RARA: variants seen among roughly 807,000 people sequenced by gnomAD.
RARA encodes the protein retinoic acid receptor alpha.
RARA carries 5 observed loss-of-function variants against 42.8 expected under a neutral mutation model. That is an observed-to-expected ratio of 0.12 (90% CI 0.06 to 0.25). The LOEUF is 0.25. Among genes scored for constraint, RARA ranks in the 10% least tolerant of loss-of-function variants. The pLI is 1.00. For missense variants in RARA, 402 were observed against 628.7 expected, an observed-to-expected ratio of 0.64 and a Z score of 3.86; for synonymous variants, 256 against 259.5, an observed-to-expected ratio of 0.99 and a Z score of 0.13.
intron 2 of RARA, among the ~76,000 whole-genome samples, chr17:40,335,517 C>G (rs1452628339): frequency 6.6e-6 from 1 of 151,868 alleles, no homozygotes; most frequent in Non-Finnish European, 1.5e-5. Flanking sequence ...TGGTGAAACC[C>G]CATCTCTACT....
rs147254893 is a variant in RARA, at chr17:40,330,486, C to T, written c.-362-371C>T. On this transcript the variant is annotated intron_variant, in intron 1 of 8. Transcript: ENST00000254066. ...TTTTCCTCCCCCTCCCTCTTCCCCCCCAGCACACGTTCTCTGCATCTTGAC... is the reference window on the plus strand; with the variant it reads ...TTTTCCTCCCCCTCCCTCTTCCCCCTCAGCACACGTTCTCTGCATCTTGAC... Among the ~76,000 whole-genome samples, 30 of 152,230 alleles carry T rather than the reference C, an allele frequency of 2.0e-4. No individual in the cohort carries two copies. The South Asian group carries it at 6.2e-3, about 32-fold the overall frequency.
intron 2 of RARA, chr17:40,342,262 G>C (rs2034084349): frequency 9.5e-7 from 1 of 1,056,828 alleles, no homozygotes; most frequent in Non-Finnish European, 1.1e-6. Context: ...TCCTCGCCAC[G>C]GAGAATCCCT....
chr17:40,343,730 G>A (rs2143409882), intron 2 of RARA, among the ~76,000 whole-genome samples: 1 of 152,222 alleles, frequency 6.6e-6, no homozygotes, highest in African/African-American at 2.4e-5. Flanking sequence ...TGGGGATAGG[G>A]CCAGGTCCTG....
At chr17:40,321,957 G>A (rs2033401631) in intron 1 of RARA, among the ~76,000 whole-genome samples, 1 of 152,164 alleles carries the variant, frequency 6.6e-6, no homozygotes, top group Non-Finnish European at 1.5e-5. Context: ...ATCCCTGGCT[G>A]CAGAGCTGGG....
chr17:40,351,789 G>T lies in RARA; in HGVS notation c.470-121G>T. 1.5e-6 allele frequency: 2 copies of T among 1,325,230 alleles called. No homozygotes were observed. Among genetic ancestry groups the T allele is most frequent in the Non-Finnish European group, 2.1e-6 (2 of 973,200 alleles). 82.1% of individuals were successfully genotyped at this position (1,325,230 alleles called of 1,614,324 possible). A position where few individuals can be genotyped will look rare whatever the true frequency, so the allele number is the denominator to read the frequency against. On this transcript the variant is annotated intron_variant, in intron 4 of 8. Transcript: ENST00000254066. This position sits in a 1 kb window ranked among gnomAD's most constrained non-coding sequence, Gnocchi z 4.1. Reference sequence around the variant, plus strand: ...TTGCCTGCCCGTGAACGCGTGCTGTGTGCGCGTGCTTACAAGCCTGGGTGA... The same window carrying T: ...TTGCCTGCCCGTGAACGCGTGCTGTTTGCGCGTGCTTACAAGCCTGGGTGA...
chr17:40,329,899 C>T (rs761096809), intron 1 of RARA, among the ~76,000 whole-genome samples: 3 of 152,186 alleles, frequency 2.0e-5, no homozygotes, highest in Non-Finnish European at 4.4e-5. Flanking sequence ...CTCTTGTCCT[C>T]GTATGGATAT....
intron 2 of RARA, among the ~76,000 whole-genome samples, chr17:40,344,755 A>G (rs1038560436): frequency 6.6e-6 from 1 of 152,222 alleles, no homozygotes; most frequent in Non-Finnish European, 1.5e-5. Flanking sequence ...GTGAGGTGTC[A>G]GTGGACTCGG....
chr17:40,316,782 C>G (rs554504059), intron 1 of RARA, among the ~76,000 whole-genome samples: 1 of 141,346 alleles, frequency 7.1e-6, no homozygotes, highest in East Asian at 2.4e-4. Context: ...CGGCTGAGCG[C>G]ATGTTTGCGG....
At chr17:40,312,649 C>G (rs2033120357) in intron 1 of RARA, among the ~76,000 whole-genome samples, 1 of 152,100 alleles carries the variant, frequency 6.6e-6, no homozygotes, top group Non-Finnish European at 1.5e-5. Flanking sequence ...AGGGGCAGGA[C>G]CTTACCCAGA....
rs2033551722 is a variant in RARA, at chr17:40,326,595, G to A, written c.-362-4262G>A. 6.6e-6 allele frequency: 1 copy of A among 152,350 alleles called. No individual in the cohort carries two copies. Among genetic ancestry groups the A allele is most frequent in the Non-Finnish European group, 1.5e-5 (1 of 68,134 alleles). The allele number at this position is 152,350 out of a possible 1,614,324, so 9.4% of individuals were successfully genotyped here. On this transcript the variant is annotated intron_variant, in intron 1 of 8. Coordinates refer to ENST00000254066, the MANE Select transcript of RARA (RefSeq NM_000964.4). This position sits in a 1 kb window ranked among gnomAD's most constrained non-coding sequence, Gnocchi z 5.2. ...GGCAGGAGTGTGGGGCTGGTTGCAGGTGCTCTAGCCCCCTACCCCTTTTTC... is the reference window on the plus strand; with the variant it reads ...GGCAGGAGTGTGGGGCTGGTTGCAGATGCTCTAGCCCCCTACCCCTTTTTC...
At position 40,356,317 on chromosome 17, in the gene RARA, C is replaced by G. The variant is rs2229772; in HGVS notation, c.*91C>G. On this transcript the variant is annotated 3_prime_UTR_variant, in exon 9 of 9. Transcript: ENST00000254066. ...CATGTGACCCCGCACCAGCCCTGCC[C>G]CCACCTGCCCTCCCGGGCAGTACTG... 172 of 1,354,476 alleles carry G rather than the reference C, an allele frequency of 1.3e-4. No individual in the cohort carries two copies. The African/African-American group carries it at 2.2e-3, about 17-fold the overall frequency. 83.9% of individuals were successfully genotyped at this position (1,354,476 alleles called of 1,614,324 possible).
At chr17:40,316,714 G>A (rs144846096) in intron 1 of RARA, among the ~76,000 whole-genome samples, 26 of 152,084 alleles carry the variant, frequency 1.7e-4, no homozygotes, top group Non-Finnish European at 3.1e-4. Context: ...GAGCGCGGCT[G>A]GGGGGTAAGG....
At chr17:40,341,707 G>T (rs914410291) in intron 2 of RARA, 29 of 1,328,274 alleles carry the variant, frequency 2.2e-5, no homozygotes, top group Non-Finnish European at 2.6e-5. Context: ...CGGCCTGGGT[G>T]GGGGTGTGTG....
chr17:40,346,496 C>T (rs765225461), intron 2 of RARA, among the ~76,000 whole-genome samples: 9 of 151,260 alleles, frequency 6.0e-5, no homozygotes, highest in African/African-American at 1.2e-4. Flanking sequence ...CTCCACATAC[C>T]CCCTTGCCCT....
intron 1 of RARA, among the ~76,000 whole-genome samples, chr17:40,311,552 C>T (rs1468741478): frequency 6.6e-6 from 1 of 152,212 alleles, no homozygotes; most frequent in Non-Finnish European, 1.5e-5. Flanking sequence ...AAATGTTTCA[C>T]TTTGCCTCAT....
chr17:40,338,742 G>A (rs1169933599), intron 2 of RARA, among the ~76,000 whole-genome samples: 2 of 151,750 alleles, frequency 1.3e-5, no homozygotes, highest in East Asian at 3.9e-4. Flanking sequence ...GGGCACGGTG[G>A]CTCATGCCTG....
chr17:40,351,903 TC>T lies in RARA; in HGVS notation c.470-5del. 6.2e-7 allele frequency: 1 copy of T among 1,610,812 alleles called. No individual in the cohort carries two copies. Among genetic ancestry groups the T allele is most frequent in the Non-Finnish European group, 8.5e-7 (1 of 1,179,068 alleles). On this transcript the variant is annotated splice_polypyrimidine_tract_variant and splice_region_variant and intron_variant, in intron 4 of 8. Coordinates refer to ENST00000254066, the MANE Select transcript of RARA (RefSeq NM_000964.4). The surrounding 1 kb of genome is among the most constrained non-coding windows in gnomAD (Gnocchi z 4.1). Reference sequence around the variant, plus strand: ...GCTGCCCTCTTAACCCCCTCTGCCCTCCACAGCTGTGAGAAACGACCGAAAC... The same window carrying T: ...GCTGCCCTCTTAACCCCCTCTGCCCTCACAGCTGTGAGAAACGACCGAAAC...
intron 2 of RARA, among the ~76,000 whole-genome samples, chr17:40,346,808 G>T (rs1377982986): frequency 2.0e-5 from 3 of 152,194 alleles, no homozygotes; most frequent in African/African-American, 7.2e-5. Flanking sequence ...GATGGTGTGG[G>T]CATCAACTGT....
intron 1 of RARA, among the ~76,000 whole-genome samples, chr17:40,317,658 A>T (rs1237217398): frequency 6.8e-6 from 1 of 146,048 alleles, no homozygotes; most frequent in African/African-American, 2.5e-5. Context: ...GTGTTTGGGG[A>T]AAGAAGAGAT....
Sources: gnomAD v4.1 joint callset for allele counts (sites outside exome capture counted in the v4.1 genomes callset) on GRCh38, gnomAD v4.1.1 for gene constraint, Gnocchi (gnomAD v3.1) non-coding constraint, MANE v1.5 for transcripts, NCBI Gene and HGNC (gene_info 2026-07-23, HGNC 2026-07-21) for gene names.